Variants in APOBEC1 observed in about 807,000 individuals in gnomAD.
The protein encoded by APOBEC1 is apolipoprotein B mRNA editing enzyme catalytic subunit 1, also known as C->U-editing enzyme APOBEC-1.
APOBEC1 carries 22 observed loss-of-function variants against 26.3 expected under a neutral mutation model. The ratio of observed to expected loss-of-function variants is 0.84; its 90% CI spans 0.60 to 1.19. APOBEC1 has a LOEUF of 1.19. Ranked by LOEUF, APOBEC1 falls within the 50% of genes most tolerant of loss-of-function variation. The probability of loss-of-function intolerance (pLI) is 0.00; values close to 1 mark genes in which losing one functional copy is unlikely to be tolerated. For synonymous variants in APOBEC1, 77 were observed against 95.3 expected (o/e 0.81, Z 1.12); for missense variants, 253 against 289.0 (o/e 0.88, Z 0.90).
At chr12:7,660,178 C>A (rs1863785978) in intron 1 of APOBEC1, among the ~76,000 whole-genome samples, 1 of 150,688 alleles carries the variant, frequency 6.6e-6, no homozygotes, top group Non-Finnish European at 1.5e-5. Flanking sequence ...TGGCAGGCAC[C>A]TGTAATCCCT....
intron 1 of APOBEC1, among the ~76,000 whole-genome samples, chr12:7,662,314 G>T (rs1001680520): frequency 6.6e-6 from 1 of 152,086 alleles, no homozygotes; most frequent in Non-Finnish European, 1.5e-5. Flanking sequence ...GGGTACGGTG[G>T]ATCATGCCTG....
intron 3 of APOBEC1, 22 bp from the exon 4 acceptor site, chr12:7,651,163 C>T (rs1253180517): frequency 6.5e-7 from 1 of 1,534,342 alleles, no homozygotes; most frequent in Admixed American, 1.7e-5. Flanking sequence ...CAAATCTTGG[C>T]TCATTCAACA....
At chr12:7,663,811 C>T (rs1450586359) in intron 1 of APOBEC1, among the ~76,000 whole-genome samples, 1 of 152,014 alleles carries the variant, frequency 6.6e-6, no homozygotes, top group African/African-American at 2.4e-5. Flanking sequence ...CTACTACAAT[C>T]AAATAATGTG....
chr12:7,652,582 T>C lies in APOBEC1; in HGVS notation c.298A>G (p.Ile100Val). Residue 100 changes from isoleucine (I) to valine (V), a missense_variant, in exon 3 of 5, where the codon ATT (isoleucine) becomes GTT (valine). Transcript: ENST00000229304. ...WSPCWECSQA[I>V]REFLSRHPGV... ...GGGTGCCGACTCAGAAACTCTCTAA[T>C]AGCCTGGGAGCATTCCCAGCAGGGA... The C allele has an allele frequency of 1.9e-6, 3 of 1,614,160 alleles. No individual in the cohort carries two copies. Among genetic ancestry groups the C allele is most frequent in the Non-Finnish European group, 2.5e-6 (3 of 1,180,006 alleles).
chr12:7,651,797 TTTTTA>T (rs370884588), intron 3 of APOBEC1, among the ~76,000 whole-genome samples: 39 of 150,896 alleles, frequency 2.6e-4, no homozygotes, highest in South Asian at 4.2e-4. Context: ...CTGTCTGATT[TTTTTA>T]TTTTATTTTT....
chr12:7,662,807 C>T (rs1171748301), intron 1 of APOBEC1, among the ~76,000 whole-genome samples: 1 of 152,102 alleles, frequency 6.6e-6, no homozygotes, highest in Non-Finnish European at 1.5e-5. Context: ...AAGTGTGGAC[C>T]TTGACTTGTT....
At chr12:7,667,970 T>C (rs1281699729), upstream of APOBEC1, among the ~76,000 whole-genome samples, 2 of 150,954 alleles carry the variant, frequency 1.3e-5, no homozygotes, top group African/African-American at 4.9e-5. Flanking sequence ...ATCCATGTCC[T>C]GATCCCTGGA....
In APOBEC1 at chr12:7,652,756, T is replaced by C; in HGVS notation, c.124A>G (p.Ile42Val). ...LRKEACLLYE[I>V]KWGMSRKIWR... ...ATCTTCCGGCTCATGCCCCACTTGA[T>C]TTCGTAGAGCAGACAGGCCTCTTTA... is the stretch of plus-strand genomic sequence containing the variant. Residue 42 changes from isoleucine (I) to valine (V), a missense_variant, in exon 3 of 5, where the codon ATC becomes GTC. Ile to Val is a conservative substitution (Grantham distance 29, BLOSUM62 3). Coordinates refer to ENST00000229304, the MANE Select transcript of APOBEC1 (RefSeq NM_001644.5). The C allele has an allele frequency of 6.2e-7, 1 of 1,614,110 alleles. No homozygotes were observed. Among genetic ancestry groups the C allele is most frequent in the Non-Finnish European group, 8.5e-7 (1 of 1,180,020 alleles).
chr12:7,660,799 TG>T, intron 1 of APOBEC1, among the ~76,000 whole-genome samples: 1 of 151,816 alleles, frequency 6.6e-6, no homozygotes, highest in South Asian at 2.1e-4. Context: ...TAGATGCAGC[TG>T]GAGACCATTA....
chr12:7,651,035 G>A lies in APOBEC1; in HGVS notation c.549C>T (p.His183=), dbSNP rs772048636. The stretch of plus-strand genomic sequence containing the variant: ...TAAAGTGACTTACTAGAATTATGCA[G>A]TGCAGCTCCAGTGCGTACAACATCA... ...LWMMLYALEL[H]CIILSLPPCL... The change falls in exon 4 of 5, where the codon CAC becomes CAT. Residue 183 remains histidine (H), a synonymous_variant. Transcript: ENST00000229304. The A allele has an allele frequency of 1.2e-6, 2 of 1,611,058 alleles. No individual in the cohort carries two copies. Among genetic ancestry groups the A allele is most frequent in the Non-Finnish European group, 1.7e-6 (2 of 1,177,300 alleles).
chr12:7,655,903 C>A (rs187044610), intron 1 of APOBEC1, among the ~76,000 whole-genome samples: 2 of 152,206 alleles, frequency 1.3e-5, no homozygotes, highest in Non-Finnish European at 2.9e-5. Context: ...TCACTAGAGC[C>A]CAGGAGTTCC....
At chr12:7,668,001 T>C (rs919048348), upstream of APOBEC1, among the ~76,000 whole-genome samples, 2 of 152,046 alleles carry the variant, frequency 1.3e-5, no homozygotes, top group Non-Finnish European at 2.9e-5. Context: ...CATATGAACT[T>C]AAGTGCCAAA....
rs1214622183 is a variant in APOBEC1 at position 7,649,543 on chromosome 12, C to T, written c.*4G>A. The T allele has an allele frequency of 6.2e-7, 1 of 1,613,806 alleles. No homozygotes were observed. The highest frequency in any genetic ancestry group is 1.1e-5 in the South Asian group (1 of 90,990). On this transcript the variant is annotated 3_prime_UTR_variant, in exon 5 of 5. Transcript: ENST00000229304. ...GAATCAGTACACACACGGAATCATC[C>T]TATTCATCTCCAAGCCACAGAAGGA...
chr12:7,669,153 T>C (rs1345120859), upstream of APOBEC1, among the ~76,000 whole-genome samples: 2 of 152,052 alleles, frequency 1.3e-5, no homozygotes, highest in East Asian at 1.9e-4. Flanking sequence ...AATGGAATCA[T>C]GCATTGTGCA....
intron 1 of APOBEC1, among the ~76,000 whole-genome samples, chr12:7,664,139 G>A (rs1191565840): frequency 6.6e-6 from 1 of 152,116 alleles, no homozygotes; most frequent in Non-Finnish European, 1.5e-5. Context: ...ACAGGTGTGA[G>A]CCATCACACC....
Position 7,652,539 on chromosome 12 carries a change from A to C in APOBEC1, c.341T>G (p.Ile114Ser), listed in dbSNP as rs1293734385. The C allele has an allele frequency of 1.9e-6, 3 of 1,614,116 alleles. No homozygotes were observed. Among genetic ancestry groups the C allele is most frequent in the Non-Finnish European group, 2.5e-6 (3 of 1,180,042 alleles). The change falls in exon 3 of 5, where the codon ATC becomes AGC. Residue 114 changes from isoleucine (I) to serine (S), a missense_variant. Transcript: ENST00000229304. Reference sequence around the variant, plus strand: ...GTGCCAAAAAAGCCGAGCTACGTAGATCACTAGAGTCACACCAGGGTGCCG... The same window carrying C: ...GTGCCAAAAAAGCCGAGCTACGTAGCTCACTAGAGTCACACCAGGGTGCCG... ...LSRHPGVTLV[I>S]YVARLFWHMD... is the part of the protein sequence containing the mutation.
chr12:7,660,410 A>AAG (rs1555094956), intron 1 of APOBEC1, among the ~76,000 whole-genome samples: 132 of 84,180 alleles, frequency 1.6e-3, no homozygotes, highest in South Asian at 2.8e-3. Flanking sequence ...GAAAGAAAGA[A>AAG]AGAGAGGGTA....
intron 1 of APOBEC1, among the ~76,000 whole-genome samples, chr12:7,656,439 C>T (rs1469166970): frequency 6.6e-6 from 1 of 152,058 alleles, no homozygotes; most frequent in Non-Finnish European, 1.5e-5. Flanking sequence ...GGAATATGGA[C>T]CCCGCACTCT....
chr12:7,651,458 C>CA (rs1461597491), intron 3 of APOBEC1, among the ~76,000 whole-genome samples: 1 of 151,640 alleles, frequency 6.6e-6, no homozygotes, highest in Admixed American at 6.6e-5. Context: ...ACTAAAAATA[C>CA]AAAAAATTAG....
Sources: gnomAD v4.1 joint callset for allele counts (sites outside exome capture counted in the v4.1 genomes callset) on GRCh38, gnomAD v4.1.1 for gene constraint, MANE v1.5 for transcripts, NCBI Gene and HGNC (gene_info 2026-07-23, HGNC 2026-07-21) for gene names.